The following VWC2 variants were observed in gnomAD, a reference collection of about 807,000 sequenced individuals.
The protein encoded by VWC2 is von Willebrand factor C domain containing 2, also known as brorin.
VWC2 carries 14 observed loss-of-function variants against 29.8 expected under a neutral mutation model. The observed-to-expected ratio is 0.47, with a 90% CI of 0.31 to 0.74. The LOEUF is 0.74. VWC2 is among the 30% of genes least tolerant of loss of function. VWC2 has a pLI of 0.05. For missense variants in VWC2, 457 were observed against 459.8 expected, an observed-to-expected ratio of 0.99 and a Z score of 0.05; for synonymous variants, 213 against 199.0, an observed-to-expected ratio of 1.07 and a Z score of -0.59.
At chr7:49,780,307 C>T (rs1465854761) in intron 2 of VWC2, among the ~76,000 whole-genome samples, 4 of 152,040 alleles carry the variant, frequency 2.6e-5, no homozygotes, top group African/African-American at 9.7e-5. Context: ...CCTTGTGTCA[C>T]AGAAAACTAA....
chr7:49,791,809 T>C (rs1788467579), intron 2 of VWC2, among the ~76,000 whole-genome samples: 1 of 152,208 alleles, frequency 6.6e-6, no homozygotes, highest in Non-Finnish European at 1.5e-5. Flanking sequence ...CACTCTATGA[T>C]TGAACCTCCA....
At chr7:49,901,541 A>T (rs1179818303) in intron 3 of VWC2, among the ~76,000 whole-genome samples, 1 of 151,874 alleles carries the variant, frequency 6.6e-6, no homozygotes, top group East Asian at 1.9e-4. Context: ...TAAAATTATG[A>T]TAGAAAAAAT....
chr7:49,850,862 T>A (rs988325261), intron 3 of VWC2, among the ~76,000 whole-genome samples: 2 of 152,228 alleles, frequency 1.3e-5, no homozygotes, highest in African/African-American at 4.8e-5. Flanking sequence ...CTGGCCATAG[T>A]GGACACCGCA....
chr7:49,849,058 T>A (rs1329775671), intron 3 of VWC2, among the ~76,000 whole-genome samples: 2 of 152,156 alleles, frequency 1.3e-5, no homozygotes, highest in Non-Finnish European at 2.9e-5. Context: ...GTATGACAAA[T>A]GTGTTGGTGC....
chr7:49,916,616 A>T lies in VWC2; in HGVS notation c.*4431A>T, dbSNP rs1475760633. On this transcript the variant is annotated 3_prime_UTR_variant, in exon 4 of 4. Coordinates refer to ENST00000340652, the MANE Select transcript of VWC2 (RefSeq NM_198570.5). ...AAATCCCTTTAGTTTGGGCTGTGAA[A>T]TATTCAATTCCCAAAACATCACCCA... The T allele has an allele frequency of 6.6e-6, 1 of 152,242 alleles. No homozygotes were observed. The highest frequency in any genetic ancestry group is 2.4e-5 in the African/African-American group (1 of 41,468). 9.4% of individuals were successfully genotyped at this position (152,242 alleles called of 1,614,324 possible).
At chr7:49,829,634 A>C (rs969083246) in intron 3 of VWC2, among the ~76,000 whole-genome samples, 1 of 152,204 alleles carries the variant, frequency 6.6e-6, no homozygotes, top group Non-Finnish European at 1.5e-5. Flanking sequence ...CACCCTTTGA[A>C]GTTTGTGATC....
At position 49,875,395 on chromosome 7, in the gene VWC2, A is replaced by AAAC. The variant is rs1216182796; in HGVS notation, c.827-36637_827-36635dup. Among the ~76,000 whole-genome samples the AAAC allele has an allele frequency of 4.6e-4, 69 of 149,592 alleles. 1 individual carries two copies. Among genetic ancestry groups the AAAC allele is most frequent in the African/African-American group, 1.6e-3 (65 of 40,360 alleles). Reference sequence around the variant, plus strand: ...AAAAAAAAAAAAAAAAAAAAAAAAAAAACAGGAATAAATGTCATGTTACAT... The same window carrying AAAC: ...AAAAAAAAAAAAAAAAAAAAAAAAAAAACAACAGGAATAAATGTCATGTTACAT... On this transcript the variant is annotated intron_variant, in intron 3 of 3. Transcript: ENST00000340652.
At chr7:49,909,336 G>A (rs1793279357) in intron 3 of VWC2, among the ~76,000 whole-genome samples, 2 of 139,660 alleles carry the variant, frequency 1.4e-5, no homozygotes, top group African/African-American at 5.5e-5. Context: ...CAGAAAAGAA[G>A]GCATGCCAAA....
At chr7:49,861,663 T>C (rs1046413639) in intron 3 of VWC2, among the ~76,000 whole-genome samples, 11 of 152,242 alleles carry the variant, frequency 7.2e-5, no homozygotes, top group Non-Finnish European at 1.3e-4. Flanking sequence ...TTTGAGTTAA[T>C]TTTTGTATAT....
chr7:49,905,097 T>C (rs1162207975), intron 3 of VWC2, among the ~76,000 whole-genome samples: 1 of 152,218 alleles, frequency 6.6e-6, no homozygotes, highest in Admixed American at 6.5e-5. Context: ...TCACTTAAGA[T>C]GAAGAAAGCT....
intron 3 of VWC2, among the ~76,000 whole-genome samples, chr7:49,837,513 C>T (rs1789691018): frequency 6.6e-6 from 1 of 152,078 alleles, no homozygotes; most frequent in Non-Finnish European, 1.5e-5. Context: ...CCTTGGAATC[C>T]CTGAAGGCCG....
At chr7:49,795,504 C>G (rs1403172561) in intron 2 of VWC2, among the ~76,000 whole-genome samples, 2 of 152,138 alleles carry the variant, frequency 1.3e-5, no homozygotes, top group African/African-American at 4.8e-5. Flanking sequence ...AAAGTCATTG[C>G]TTTAGTATCT....
At chr7:49,878,347 C>T (rs1791530609) in intron 3 of VWC2, among the ~76,000 whole-genome samples, 1 of 152,138 alleles carries the variant, frequency 6.6e-6, no homozygotes, top group African/African-American at 2.4e-5. Context: ...TTCTGGGAAA[C>T]TTTTCTTTCT....
chr7:49,820,457 G>A (rs554010139), intron 3 of VWC2, among the ~76,000 whole-genome samples: 7 of 152,236 alleles, frequency 4.6e-5, no homozygotes, highest in African/African-American at 1.7e-4. Context: ...TTGTTTTAAA[G>A]AAATTCATTT....
chr7:49,892,723 A>G (rs536352608), intron 3 of VWC2, among the ~76,000 whole-genome samples: 8 of 152,320 alleles, frequency 5.3e-5, no homozygotes, highest in Middle Eastern at 3.4e-3. Context: ...AGTTCTGCAT[A>G]TTGTGTGCAA....
chr7:49,836,617 C>A (rs1282403445), intron 3 of VWC2, among the ~76,000 whole-genome samples: 3 of 150,512 alleles, frequency 2.0e-5, no homozygotes, highest in Non-Finnish European at 4.4e-5. Flanking sequence ...CCAGCCTGGG[C>A]AACAGAGCAA....
At chr7:49,829,492 G>A (rs1789477860) in intron 3 of VWC2, among the ~76,000 whole-genome samples, 1 of 152,198 alleles carries the variant, frequency 6.6e-6, no homozygotes, top group African/African-American at 2.4e-5. Flanking sequence ...CAGGGTATCT[G>A]GGCATTCATG....
At chr7:49,796,180 T>G (rs1006004465) in intron 2 of VWC2, among the ~76,000 whole-genome samples, 1 of 152,246 alleles carries the variant, frequency 6.6e-6, no homozygotes, top group African/African-American at 2.4e-5. Flanking sequence ...TTATGCTGAA[T>G]AGTTGTAGTT....
chr7:49,775,407 C>T lies in VWC2; in HGVS notation c.-29C>T, dbSNP rs751064312. 9.0e-5 allele frequency: 104 copies of T among 1,159,738 alleles called. 2 individuals are homozygous for T. The highest frequency in any genetic ancestry group is 1.1e-4 in the Non-Finnish European group (98 of 894,844). The allele number at this position is 1,159,738 out of a possible 1,614,324, so 71.8% of individuals were successfully genotyped here. ...ACTCGCCCCTCGGCCGCGCTCCCCGCCCGCCCGCCCGCCGGGACGTGGTAG... is the reference window on the plus strand; with the variant it reads ...ACTCGCCCCTCGGCCGCGCTCCCCGTCCGCCCGCCCGCCGGGACGTGGTAG... On this transcript the variant is annotated 5_prime_UTR_variant, in exon 2 of 4. Transcript: ENST00000340652.
Sources: gnomAD v4.1 joint callset for allele counts (sites outside exome capture counted in the v4.1 genomes callset) on GRCh38, gnomAD v4.1.1 for gene constraint, MANE v1.5 for transcripts, NCBI Gene and HGNC (gene_info 2026-07-23, HGNC 2026-07-21) for gene names.